Variants in CDC42BPA observed in about 807,000 individuals in gnomAD.
The protein encoded by CDC42BPA is CDC42 binding protein kinase alpha.
A neutral mutation model predicts 223.5 loss-of-function variants in CDC42BPA; 80 were observed. The observed-to-expected ratio is 0.36, with a 90% CI of 0.30 to 0.43. The LOEUF (loss-of-function observed/expected upper bound fraction) is 0.43. Ranked by LOEUF, CDC42BPA falls within the 20% of genes least tolerant of loss-of-function variation. CDC42BPA has a pLI of 1.00. For synonymous variants in CDC42BPA, 694 were observed against 718.6 expected (o/e 0.97, Z 0.55); for missense variants, 1,743 against 2,099.9 (o/e 0.83, Z 3.32).
At chr1:227,145,096 G>T (rs1429386518) in intron 8 of CDC42BPA, among the ~76,000 whole-genome samples, 239 of 152,192 alleles carry the variant, frequency 1.6e-3, no homozygotes, top group African/African-American at 5.6e-3. Context: ...CTCTTCAATT[G>T]TTGTATCAGG....
At chr1:227,081,246 T>G (rs1371880454) in intron 16 of CDC42BPA, among the ~76,000 whole-genome samples, 1 of 152,122 alleles carries the variant, frequency 6.6e-6, no homozygotes, top group Non-Finnish European at 1.5e-5. Flanking sequence ...CATTCTCTAC[T>G]TGGCTTAAGA....
rs781002479 is a variant in CDC42BPA, at chr1:227,056,048, T to TC, written c.2905-4064dup. ...TTTTACAGTAGTACATTTAAAAAGG[T>TC]CCCCCCGCCGCCCAGGATCACAGAA... is the stretch of plus-strand genomic sequence containing the variant. On this transcript the variant is annotated intron_variant, in intron 21 of 36. Coordinates refer to ENST00000366766, the MANE Select transcript of CDC42BPA (RefSeq NM_001394014.1). Among the ~76,000 whole-genome samples, 9 of 151,938 alleles carry TC rather than the reference T, an allele frequency of 5.9e-5. No homozygotes were observed. In the East Asian group the frequency reaches 1.7e-3, roughly 29 times the overall value.
intron 23 of CDC42BPA, among the ~76,000 whole-genome samples, chr1:227,043,142 G>A (rs773793411): frequency 1.4e-4 from 21 of 151,860 alleles, no homozygotes; most frequent in African/African-American, 4.1e-4. Flanking sequence ...GGCCAGGCAC[G>A]GTACCTTATG....
chr1:227,151,562 T>G (rs1422274654), intron 6 of CDC42BPA, among the ~76,000 whole-genome samples: 1 of 152,148 alleles, frequency 6.6e-6, no homozygotes, highest in Non-Finnish European at 1.5e-5. Flanking sequence ...CTATACCATT[T>G]TCCATATTTT....
intron 1 of CDC42BPA, among the ~76,000 whole-genome samples, chr1:227,293,125 CAAAT>C (rs1296595232): frequency 2.0e-5 from 3 of 152,086 alleles, no homozygotes; most frequent in Non-Finnish European, 4.4e-5. Flanking sequence ...TTTCATTAAT[CAAAT>C]AAATATTTAT....
At chr1:227,127,429 C>T (rs1656053886) in intron 11 of CDC42BPA, among the ~76,000 whole-genome samples, 1 of 152,160 alleles carries the variant, frequency 6.6e-6, no homozygotes, top group South Asian at 2.1e-4. Flanking sequence ...AATTAGCAAG[C>T]TTTCAAAAGC....
chr1:227,259,131 C>A (rs961403380), intron 1 of CDC42BPA, among the ~76,000 whole-genome samples: 2 of 150,892 alleles, frequency 1.3e-5, no homozygotes, highest in Non-Finnish European at 2.9e-5. Flanking sequence ...ATCTGCCACG[C>A]CGCCTCCCTC....
chr1:227,192,339 C>T (rs1396946969), intron 5 of CDC42BPA, among the ~76,000 whole-genome samples: 1 of 152,100 alleles, frequency 6.6e-6, no homozygotes, highest in Non-Finnish European at 1.5e-5. Context: ...ACACCAGCAG[C>T]AGCATCACCA....
intron 14 of CDC42BPA, among the ~76,000 whole-genome samples, chr1:227,103,534 G>A (rs1685399847): frequency 6.6e-6 from 1 of 152,026 alleles, no homozygotes; most frequent in African/African-American, 2.4e-5. Context: ...ATGGAGACAT[G>A]TTTCTACTCC....
At chr1:227,177,614 C>T (rs547378797) in intron 5 of CDC42BPA, among the ~76,000 whole-genome samples, 49 of 152,224 alleles carry the variant, frequency 3.2e-4, no homozygotes, top group Non-Finnish European at 5.9e-4. Flanking sequence ...CTGCAATTTT[C>T]TTCCGTGGGG....
chr1:227,317,278 A>T lies in CDC42BPA; in HGVS notation c.-96T>A. On this transcript the variant is annotated 5_prime_UTR_variant, in exon 1 of 37. Transcript: ENST00000366766. ...TTTAAAAGGTATGGTTTTAAAAATAAACCACTTGTTATTCAAACAACTGTC... is the reference window on the plus strand; with the variant it reads ...TTTAAAAGGTATGGTTTTAAAAATATACCACTTGTTATTCAAACAACTGTC... 1 of 1,326,050 alleles carries T rather than the reference A, an allele frequency of 7.5e-7. No homozygotes were observed. Among genetic ancestry groups the T allele is most frequent in the Non-Finnish European group, 1.0e-6 (1 of 965,456 alleles). The allele number at this position is 1,326,050 out of a possible 1,614,324, so 82.1% of individuals were successfully genotyped here.
At chr1:227,060,056 G>C (rs1675538304) in intron 21 of CDC42BPA, among the ~76,000 whole-genome samples, 1 of 142,916 alleles carries the variant, frequency 7.0e-6, no homozygotes, top group African/African-American at 2.6e-5. Context: ...TTTGAGACGG[G>C]AGTCTCGCTC....
At position 227,112,817 on chromosome 1, in the gene CDC42BPA, T is replaced by C; in HGVS notation, c.1744A>G (p.Ile582Val). The C allele has an allele frequency of 1.9e-6, 3 of 1,614,160 alleles. No homozygotes were observed. Among genetic ancestry groups the C allele is most frequent in the Non-Finnish European group, 2.5e-6 (3 of 1,180,004 alleles). Residue 582 changes from isoleucine (I) to valine (V), a missense_variant, in exon 13 of 37, where the codon ATC (isoleucine) becomes GTC (valine). Ile to Val is a conservative substitution (Grantham distance 29, BLOSUM62 3). This residue lies in a region of CDC42BPA where 464 missense variants were observed against 488.0 expected (regional missense o/e 0.95). Transcript: ENST00000366766. Reference protein sequence around the residue: ...RKLAMQEFMEINERLTELHTQ... With the variant: ...RKLAMQEFMEVNERLTELHTQ... ...TGCAATTCTGTTAGCCGCTCATTGA[T>C]CTCCATGAATTCCTGCATGGCCAGT...
intron 1 of CDC42BPA, among the ~76,000 whole-genome samples, chr1:227,256,436 G>A (rs1452614003): frequency 6.6e-6 from 1 of 152,002 alleles, no homozygotes; most frequent in East Asian, 1.9e-4. Flanking sequence ...GTATACCTAT[G>A]TAACAAACCT....
chr1:227,086,840 A>T (rs900423682), intron 16 of CDC42BPA, among the ~76,000 whole-genome samples: 9 of 151,874 alleles, frequency 5.9e-5, no homozygotes, highest in Non-Finnish European at 8.8e-5. Flanking sequence ...GCTAATATTT[A>T]AAAAAGATTT....
Position 227,145,592 on chromosome 1 carries a change from T to A in CDC42BPA, c.1040A>T (p.Asp347Val), listed in dbSNP as rs753741747. ...FKKHPFFSGIDWDNIRNCEAP... is the reference protein window; with the variant it reads ...FKKHPFFSGIVWDNIRNCEAP... Reference sequence around the variant, plus strand: ...TTCACAGTTCCGAATATTATCCCAATCAATTCCACTGAAAAATGGGTGTTT... The same window carrying A: ...TTCACAGTTCCGAATATTATCCCAAACAATTCCACTGAAAAATGGGTGTTT... The change falls in exon 8 of 37, where the codon GAT (aspartate) becomes GTT (valine). Residue 347 changes from aspartate to valine, a missense_variant. This residue lies in a region of CDC42BPA where 321 missense variants were observed against 488.7 expected (regional missense o/e 0.66). Coordinates refer to ENST00000366766, the MANE Select transcript of CDC42BPA (RefSeq NM_001394014.1). 4.3e-6 allele frequency: 7 copies of A among 1,613,718 alleles called. No individual in the cohort carries two copies. The highest frequency in any genetic ancestry group is 4.5e-5 in the East Asian group (2 of 44,826).
chr1:227,039,708 A>T (rs1240302654), intron 24 of CDC42BPA, among the ~76,000 whole-genome samples: 3 of 151,900 alleles, frequency 2.0e-5, no homozygotes, highest in Admixed American at 2.0e-4. Flanking sequence ...CATGGATGTT[A>T]GGGGAAAAAA....
In CDC42BPA at chr1:227,101,137, C is replaced by T. The variant is rs772327041; in HGVS notation, c.2104G>A (p.Glu702Lys). Residue 702 changes from glutamate (E) to lysine (K), a missense_variant, in exon 15 of 37, where the codon GAA becomes AAA. Coordinates refer to ENST00000366766, the MANE Select transcript of CDC42BPA (RefSeq NM_001394014.1). ...ATTCCTTCTCTTTTAGATAATTCTT[C>T]TTCATAAAAGATACTTTTCTTTTCC... ...DLEKKSIFYE[E>K]ELSKREGIHA... 4 of 1,577,982 alleles carry T rather than the reference C, an allele frequency of 2.5e-6. No individual in the cohort carries two copies. Among genetic ancestry groups the T allele is most frequent in the Non-Finnish European group, 3.5e-6 (4 of 1,148,126 alleles).
intron 32 of CDC42BPA, among the ~76,000 whole-genome samples, chr1:227,020,928 T>C (rs1361772413): frequency 6.6e-6 from 1 of 152,188 alleles, no homozygotes; most frequent in Non-Finnish European, 1.5e-5. Context: ...TGCAGGGCTA[T>C]TAATTGGGCT....
Sources: allele counts gnomAD v4.1 joint callset (sites outside exome capture counted in the v4.1 genomes callset), GRCh38; gene constraint gnomAD v4.1.1; regional missense constraint gnomAD v4.1.1; transcripts MANE v1.5; gene names NCBI Gene and HGNC (gene_info 2026-07-23, HGNC 2026-07-21).